LTBP1: variants seen among roughly 807,000 people sequenced by gnomAD.
LTBP1 encodes latent-transforming growth factor beta-binding protein 1.
In LTBP1, 129 loss-of-function variants were observed where a neutral mutation model predicts 207.6. The ratio of observed to expected loss-of-function variants is 0.62; its 90% CI spans 0.54 to 0.72. LTBP1 has a LOEUF of 0.72. LTBP1 is among the 30% of genes least tolerant of loss of function. The probability of loss-of-function intolerance (pLI) is 0.00; values close to 1 mark genes in which losing one functional copy is unlikely to be tolerated. For missense variants in LTBP1, 2,281 were observed against 2,217.2 expected (o/e 1.03, Z -0.58); for synonymous variants, 963 against 833.7 (o/e 1.16, Z -2.67).
At chr2:33,087,084 C>CT (rs35334788) in intron 3 of LTBP1, among the ~76,000 whole-genome samples, 6,403 of 87,804 alleles carry the variant, frequency 0.073, 418 homozygotes, top group African/African-American at 0.12. Context: ...CTCCTTTATG[C>CT]TTTTTTTTTT....
intron 2 of LTBP1, 109 bp from the exon 3 acceptor site, chr2:33,020,800 G>T (rs2075129645): frequency 3.6e-6 from 4 of 1,124,592 alleles, no homozygotes; most frequent in East Asian, 2.4e-5. Flanking sequence ...TATTTGTGTG[G>T]TTTTTTATTG....
At chr2:32,969,229 T>TTGTGTGTGTG (rs201873946) in intron 2 of LTBP1, among the ~76,000 whole-genome samples, 37 of 131,712 alleles carry the variant, frequency 2.8e-4, no homozygotes, top group East Asian at 1.0e-3. Context: ...CCTGGCCAAT[T>TTGTGTGTGTG]TGTGTGTGTG....
intron 15 of LTBP1, among the ~76,000 whole-genome samples, chr2:33,271,525 G>C (rs774805164): frequency 6.6e-6 from 1 of 152,084 alleles, no homozygotes; most frequent in Non-Finnish European, 1.5e-5. Flanking sequence ...AAGTCCATGA[G>C]TATAACCTGG....
intron 2 of LTBP1, among the ~76,000 whole-genome samples, chr2:32,970,850 A>G (rs780778228): frequency 3.8e-4 from 58 of 151,866 alleles, no homozygotes; most frequent in Non-Finnish European, 6.6e-4. Flanking sequence ...TTTGGGCAGT[A>G]TGGTCATTTT....
intron 4 of LTBP1, among the ~76,000 whole-genome samples, chr2:33,132,942 G>A (rs2150561076): frequency 6.6e-6 from 1 of 152,330 alleles, no homozygotes; most frequent in African/African-American, 2.4e-5. Context: ...TAGGATTAAT[G>A]TGTGCAAGTT....
In LTBP1 at chr2:33,326,038, A is replaced by G. The variant is rs113663376; in HGVS notation, c.3730+10769A>G. On this transcript the variant is annotated intron_variant, in intron 24 of 33. Transcript: ENST00000404816. ...ACTTTGGTTCTCTTTTTCTGTAAAG[A>G]ATCACAGATGACTTATAGTGTTTAT... Among the ~76,000 whole-genome samples the G allele has an allele frequency of 5.6e-3, 854 of 152,244 alleles. 5 individuals are homozygous for G. The highest frequency in any genetic ancestry group is 0.02 in the African/African-American group (820 of 41,564).
intron 3 of LTBP1, among the ~76,000 whole-genome samples, chr2:33,086,547 C>T (rs1273962115): frequency 1.3e-5 from 2 of 152,126 alleles, no homozygotes; most frequent in East Asian, 1.9e-4. Flanking sequence ...CCCGAGACTG[C>T]GGTGAATAAG....
intron 31 of LTBP1, among the ~76,000 whole-genome samples, chr2:33,372,392 A>G (rs2095080023): frequency 6.6e-6 from 1 of 152,252 alleles, no homozygotes; most frequent in African/African-American, 2.4e-5. Flanking sequence ...AATGAGCATA[A>G]TAAGAGGCAA....
At chr2:33,274,434 G>A (rs1300470242) in intron 16 of LTBP1, among the ~76,000 whole-genome samples, 3 of 151,986 alleles carry the variant, frequency 2.0e-5, no homozygotes, top group East Asian at 3.9e-4. Flanking sequence ...TTTAGTATAT[G>A]TGAATTTTGC....
rs968354897 is a variant in LTBP1 at position 33,342,923 on chromosome 2, T to C, written c.3816T>C (p.Tyr1272=). The change falls in exon 25 of 34, where the codon TAT becomes TAC. Residue 1272 remains tyrosine (Y), a synonymous_variant. Coordinates refer to ENST00000404816, the MANE Select transcript of LTBP1 (RefSeq NM_206943.4). ...CTGGCTCCTTCCGCTGCCTCTGTTA[T>C]CAGGGCTTTCAAGCCCCACAGGATG... ...NTAGSFRCLC[Y]QGFQAPQDGQ... is the part of the protein sequence containing the mutation. 7 of 1,614,022 alleles carry C rather than the reference T, an allele frequency of 4.3e-6. No individual in the cohort carries two copies. The highest frequency in any genetic ancestry group is 5.9e-6 in the Non-Finnish European group (7 of 1,179,954).
At chr2:33,169,202 A>G (rs2085204849) in intron 5 of LTBP1, among the ~76,000 whole-genome samples, 1 of 152,204 alleles carries the variant, frequency 6.6e-6, no homozygotes. Context: ...CCCATGGGGA[A>G]CGTTTCTCTG....
At chr2:33,346,192 G>A (rs1331751409) in intron 25 of LTBP1, among the ~76,000 whole-genome samples, 2 of 152,230 alleles carry the variant, frequency 1.3e-5, no homozygotes, top group East Asian at 1.9e-4. Flanking sequence ...AATGATTAAT[G>A]TAGCCTGATG....
intron 3 of LTBP1, among the ~76,000 whole-genome samples, chr2:33,085,636 T>A (rs2078703507): frequency 6.6e-6 from 1 of 152,206 alleles, no homozygotes; most frequent in Non-Finnish European, 1.5e-5. Context: ...TTTATTATTA[T>A]CCTCTTTTTA....
chr2:32,982,728 C>T (rs566324927), intron 2 of LTBP1, among the ~76,000 whole-genome samples: 1 of 152,322 alleles, frequency 6.6e-6, no homozygotes, highest in African/African-American at 2.4e-5. Context: ...TCAGAGGGTG[C>T]AAGCCCCGAG....
chr2:33,349,743 C>T (rs979307378), intron 26 of LTBP1, among the ~76,000 whole-genome samples: 1 of 152,218 alleles, frequency 6.6e-6, no homozygotes, highest in Non-Finnish European at 1.5e-5. Context: ...AAAGCTTTAA[C>T]TTGCCCTAGA....
chr2:33,237,769 G>A (rs975184206), intron 9 of LTBP1, among the ~76,000 whole-genome samples: 5 of 152,194 alleles, frequency 3.3e-5, no homozygotes, highest in Non-Finnish European at 7.4e-5. Context: ...TTTCAAGACA[G>A]TGTTCTTAGA....
At chr2:33,023,790 T>C (rs2075287809) in intron 3 of LTBP1, among the ~76,000 whole-genome samples, 1 of 152,236 alleles carries the variant, frequency 6.6e-6, no homozygotes, top group Non-Finnish European at 1.5e-5. Flanking sequence ...AGCCCTTTGA[T>C]TAATTTAGGT....
chr2:33,392,965 C>T (rs967369235), intron 32 of LTBP1, among the ~76,000 whole-genome samples: 3 of 151,686 alleles, frequency 2.0e-5, no homozygotes, highest in Non-Finnish European at 4.4e-5. Flanking sequence ...GCCTCAGCCT[C>T]CTGAGTAGCT....
intron 20 of LTBP1, among the ~76,000 whole-genome samples, chr2:33,294,533 A>G (rs189004035): frequency 1.1e-4 from 16 of 150,404 alleles, no homozygotes; most frequent in African/African-American, 3.4e-4. Flanking sequence ...TCTGAACTTT[A>G]GAATTATTTC....
Sources: gnomAD v4.1 joint callset for allele counts (sites outside exome capture counted in the v4.1 genomes callset) on GRCh38, gnomAD v4.1.1 for gene constraint, MANE v1.5 for transcripts, NCBI Gene and HGNC (gene_info 2026-07-23, HGNC 2026-07-21) for gene names.